Variants in ANGPTL5 observed in about 807,000 individuals in gnomAD.
ANGPTL5 encodes angiopoietin like 5.
ANGPTL5 carries 34 observed loss-of-function variants against 39.4 expected under a neutral mutation model. That is an observed-to-expected ratio of 0.86 (90% CI 0.66 to 1.15). The LOEUF is 1.15. Ranked by LOEUF, ANGPTL5 falls within the 50% of genes most tolerant of loss-of-function variation. The pLI is 0.00. For synonymous variants in ANGPTL5, 146 were observed against 152.1 expected, an observed-to-expected ratio of 0.96 and a Z score of 0.29; for missense variants, 467 against 457.5, an observed-to-expected ratio of 1.02 and a Z score of -0.19.
In ANGPTL5 at chr11:101,914,865, G is replaced by C. The variant is rs371163090; in HGVS notation, c.-93+1154C>G. Reference sequence around the variant, plus strand: ...TAAAACAACACTCAGCTCACCCCTCGCGCAACAACCCGGGTCCCTAGGGAT... The same window carrying C: ...TAAAACAACACTCAGCTCACCCCTCCCGCAACAACCCGGGTCCCTAGGGAT... On this transcript the variant is annotated intron_variant, in intron 1 of 8. Transcript: ENST00000334289. 558 of 172,996 alleles carry C rather than the reference G, an allele frequency of 3.2e-3. 5 individuals carry two copies. The highest frequency in any genetic ancestry group is 0.012 in the African/African-American group (524 of 42,416). 10.7% of individuals were successfully genotyped at this position (172,996 alleles called of 1,614,324 possible).
At chr11:101,897,925 A>T (rs929633486) in intron 7 of ANGPTL5, among the ~76,000 whole-genome samples, 2 of 152,210 alleles carry the variant, frequency 1.3e-5, no homozygotes, top group East Asian at 3.9e-4. Context: ...AATAGCATTG[A>T]ATCTATAAAT....
chr11:101,892,355 C>T (rs1461480042), intron 8 of ANGPTL5, among the ~76,000 whole-genome samples: 1 of 152,102 alleles, frequency 6.6e-6, no homozygotes, highest in Non-Finnish European at 1.5e-5. Context: ...CTCAGCCTCC[C>T]AAGTAGCTGG....
intron 1 of ANGPTL5, chr11:101,915,447 A>T: frequency 6.3e-7 from 1 of 1,584,342 alleles, no homozygotes; most frequent in South Asian, 1.1e-5. Context: ...CAGGGTAGCG[A>T]TGTTGAAAAC....
chr11:101,913,196 C>A (rs1240844888), intron 1 of ANGPTL5, among the ~76,000 whole-genome samples: 1 of 152,044 alleles, frequency 6.6e-6, no homozygotes, highest in Non-Finnish European at 1.5e-5. Flanking sequence ...GTGGTTCTGG[C>A]CAGTTTAAGA....
chr11:101,894,999 G>T lies in ANGPTL5; in HGVS notation c.727C>A (p.Leu243Met). The change falls in exon 8 of 9, where the codon CTG becomes ATG. Residue 243 changes from leucine to methionine, a missense_variant. Transcript: ENST00000334289. ...IVNQKNTSFM[L>M]YVALESEDDT... is the part of the protein sequence containing the mutation. ...TCTTCAGATTCCAAAGCCACATACA[G>T]CATAAAACTGGTATTTTTCTGATTT... 6.2e-7 allele frequency: 1 copy of T among 1,609,698 alleles called. No homozygotes were observed. Among genetic ancestry groups the T allele is most frequent in the Non-Finnish European group, 8.5e-7 (1 of 1,177,224 alleles).
chr11:101,907,583 G>T (rs527798851), intron 2 of ANGPTL5, among the ~76,000 whole-genome samples: 3 of 152,032 alleles, frequency 2.0e-5, no homozygotes, highest in African/African-American at 7.2e-5. Context: ...TTTAATCTAG[G>T]CCTGAAATGT....
intron 1 of ANGPTL5, among the ~76,000 whole-genome samples, chr11:101,914,709 CCAGA>C (rs963140560): frequency 1.5e-4 from 23 of 152,152 alleles, no homozygotes; most frequent in East Asian, 1.9e-4. Context: ...AAATTGTCCC[CCAGA>C]CAATCACTGC....
chr11:101,896,976 T>C (rs1350067442), intron 7 of ANGPTL5, among the ~76,000 whole-genome samples: 1 of 152,216 alleles, frequency 6.6e-6, no homozygotes, highest in Non-Finnish European at 1.5e-5. Context: ...CCACCAACAG[T>C]GTAAAAGCGT....
rs1315154746 is a variant in ANGPTL5, at chr11:101,890,760, G to T, written c.*519C>A. 1 of 152,214 alleles carries T rather than the reference G, an allele frequency of 6.6e-6. No homozygotes were observed. Among genetic ancestry groups the T allele is most frequent in the Admixed American group, 6.5e-5 (1 of 15,292 alleles). The allele number at this position is 152,214 out of a possible 1,614,324, so 9.4% of individuals were successfully genotyped here. A position where few individuals can be genotyped will look rare whatever the true frequency, so the allele number is the denominator to read the frequency against. On this transcript the variant is annotated 3_prime_UTR_variant, in exon 9 of 9. Coordinates refer to ENST00000334289, the MANE Select transcript of ANGPTL5 (RefSeq NM_178127.5). Reference sequence around the variant, plus strand: ...ATATGAAAACAAGAAAAACTATTTGGGCAGCAAACTCTTACTACTTTTAAA... The same window carrying T: ...ATATGAAAACAAGAAAAACTATTTGTGCAGCAAACTCTTACTACTTTTAAA...
At position 101,912,715 on chromosome 11, in the gene ANGPTL5, G is replaced by A. The variant is rs539116225; in HGVS notation, c.-93+3304C>T. Among the ~76,000 whole-genome samples the A allele has an allele frequency of 7.9e-5, 12 of 152,278 alleles. No homozygotes were observed. In the South Asian group the frequency reaches 2.5e-3, roughly 32 times the overall value. The stretch of plus-strand genomic sequence containing the variant: ...ATAAAATCCTAAGCCCCCACTGACT[G>A]AATAGACCCCCTCTTGGCCAAGGGG... On this transcript the variant is annotated intron_variant, in intron 1 of 8. Coordinates refer to ENST00000334289, the MANE Select transcript of ANGPTL5 (RefSeq NM_178127.5).
intron 7 of ANGPTL5, among the ~76,000 whole-genome samples, chr11:101,899,021 T>C (rs1027637429): frequency 6.6e-6 from 1 of 152,262 alleles, no homozygotes; most frequent in African/African-American, 2.4e-5. Flanking sequence ...ATAAGCTTTT[T>C]AATGTGCTGC....
intron 8 of ANGPTL5, 25 bp from the exon 9 acceptor site, chr11:101,891,623 G>A (rs745696274): frequency 8.2e-6 from 13 of 1,594,468 alleles, no homozygotes; most frequent in Admixed American, 6.8e-5. Flanking sequence ...TTTAATGATC[G>A]AATTTAAAGG....
rs1023662693 is a variant in ANGPTL5, at chr11:101,900,052, G to A, written c.661+378C>T. The stretch of plus-strand genomic sequence containing the variant: ...ACATACCTCAATTCGCCATTTCATT[G>A]GCTTGTATAGATACAACACACCTCT... On this transcript the variant is annotated intron_variant, in intron 7 of 8. Transcript: ENST00000334289. Among the ~76,000 whole-genome samples, 4 of 152,230 alleles carry A rather than the reference G, an allele frequency of 2.6e-5. No individual in the cohort carries two copies. The East Asian group carries it at 7.7e-4, about 29-fold the overall frequency.
At chr11:101,910,424 A>AAAAATATATATATATAT (rs1469724609) in intron 1 of ANGPTL5, among the ~76,000 whole-genome samples, 2 of 127,218 alleles carry the variant, frequency 1.6e-5, no homozygotes, top group Non-Finnish European at 3.2e-5. Context: ...AAAAAAAAAA[A>AAAAATATATATATATAT]ATATATATAT....
intron 1 of ANGPTL5, among the ~76,000 whole-genome samples, 180 bp downstream of exon 1, chr11:101,915,839 A>C (rs920460850): frequency 3.3e-5 from 5 of 152,246 alleles, no homozygotes; most frequent in African/African-American, 1.2e-4. Flanking sequence ...ATCCTAACAC[A>C]GCCCTAAATG....
rs1370120077 is a variant in ANGPTL5, at chr11:101,890,869, A to G, written c.*410T>C. On this transcript the variant is annotated 3_prime_UTR_variant, in exon 9 of 9. Coordinates refer to ENST00000334289, the MANE Select transcript of ANGPTL5 (RefSeq NM_178127.5). ...AATCTGCATAAAGTTATTTATTGTA[A>G]CTGTCTTCAGTAGAAATTATCTGTA... 1 of 159,364 alleles carries G rather than the reference A, an allele frequency of 6.3e-6. No homozygotes were observed. Among genetic ancestry groups the G allele is most frequent in the Admixed American group, 6.1e-5 (1 of 16,338 alleles). 9.9% of individuals were successfully genotyped at this position (159,364 alleles called of 1,614,324 possible). A position where few individuals can be genotyped will look rare whatever the true frequency, so the allele number is the denominator to read the frequency against.
Position 101,904,811 on chromosome 11 carries a change from C to A in ANGPTL5, c.439+3G>T. 6.2e-7 allele frequency: 1 copy of A among 1,611,250 alleles called. No homozygotes were observed. The highest frequency in any genetic ancestry group is 8.5e-7 in the Non-Finnish European group (1 of 1,177,482). On this transcript the variant is annotated splice_donor_region_variant and intron_variant, in intron 5 of 8. Coordinates refer to ENST00000334289, the MANE Select transcript of ANGPTL5 (RefSeq NM_178127.5). ...GAAAAGGCTGAAATACCAAAGTTCTCACCATGTGACTGAACAGGTCTGTGA... is the reference window on the plus strand; with the variant it reads ...GAAAAGGCTGAAATACCAAAGTTCTAACCATGTGACTGAACAGGTCTGTGA...
chr11:101,894,094 C>T (rs147949954), intron 8 of ANGPTL5, among the ~76,000 whole-genome samples: 56 of 152,314 alleles, frequency 3.7e-4, no homozygotes, highest in African/African-American at 1.3e-3. Flanking sequence ...GTGCAATCAA[C>T]TGAAATCATT....
In ANGPTL5 at chr11:101,902,719, A is replaced by G. The variant is rs1389698605; in HGVS notation, c.442T>C (p.Leu148=). 6.2e-7 allele frequency: 1 copy of G among 1,602,300 alleles called. No individual in the cohort carries two copies. Among genetic ancestry groups the G allele is most frequent in the Non-Finnish European group, 8.5e-7 (1 of 1,171,112 alleles). Residue 148 remains leucine, a splice_region_variant and synonymous_variant, in exon 6 of 9, where the codon TTA becomes CTA. Transcript: ENST00000334289. ...FPHRPVQSHG[L]DCTDIKDTIG... ...GTATCCTTAATATCAGTGCAATCTA[A>G]ACCTAGAAAAGCAAAATTATTTAAT...
Sources: gnomAD v4.1 joint callset for allele counts (sites outside exome capture counted in the v4.1 genomes callset) on GRCh38, gnomAD v4.1.1 for gene constraint, MANE v1.5 for transcripts, NCBI Gene and HGNC (gene_info 2026-07-23, HGNC 2026-07-21) for gene names.